EFR3A: variants seen among roughly 807,000 people sequenced by gnomAD.
EFR3A encodes protein EFR3 homolog A.
EFR3A carries 76 observed loss-of-function variants against 104.4 expected under a neutral mutation model. The ratio of observed to expected loss-of-function variants is 0.73; its 90% confidence interval spans 0.60 to 0.88. The LOEUF is 0.88. Among genes scored for constraint, EFR3A ranks in the 40% least tolerant of loss-of-function variants. The probability of loss-of-function intolerance (pLI) is 0.00; values close to 1 mark genes in which losing one functional copy is unlikely to be tolerated. For synonymous variants in EFR3A, 330 were observed against 330.0 expected (o/e 1.00, Z 0.00); for missense variants, 985 against 1,012.5 (o/e 0.97, Z 0.37).
chr8:131,963,509 A>G (rs1333139302), intron 8 of EFR3A, among the ~76,000 whole-genome samples: 4 of 152,208 alleles, frequency 2.6e-5, no homozygotes, highest in African/African-American at 9.7e-5. Context: ...CACCCTCACA[A>G]GACTAAACCA....
In EFR3A at chr8:131,933,168, A is replaced by G. The variant is rs79515016; in HGVS notation, c.11-7331A>G. Among the ~76,000 whole-genome samples, 138 of 152,272 alleles carry G rather than the reference A, an allele frequency of 9.1e-4. 1 individual carries two copies. The East Asian group carries it at 0.02, about 22-fold the overall frequency. ...TTTATATATTAAAAAAGGGAATCAC[A>G]TACTGTTTCAGTTTTTATTTTTGCA... On this transcript the variant is annotated intron_variant, in intron 1 of 22. Transcript: ENST00000254624.
chr8:131,993,898 A>G (rs1320290861), intron 18 of EFR3A, among the ~76,000 whole-genome samples: 1 of 152,110 alleles, frequency 6.6e-6, no homozygotes, highest in Non-Finnish European at 1.5e-5. Context: ...ACACAGACAC[A>G]TAGAGGGGAA....
intron 22 of EFR3A, among the ~76,000 whole-genome samples, chr8:132,008,068 A>G (rs1219760900): frequency 6.6e-6 from 1 of 152,056 alleles, no homozygotes; most frequent in African/African-American, 2.4e-5. Flanking sequence ...CACACAAAGT[A>G]CTAAACAAAA....
At chr8:131,981,525 A>G (rs1820611611) in intron 14 of EFR3A, among the ~76,000 whole-genome samples, 1 of 151,546 alleles carries the variant, frequency 6.6e-6, no homozygotes, top group Admixed American at 6.6e-5. Context: ...ACCATTTTTC[A>G]TTTACCTTCC....
In EFR3A at chr8:131,984,963, T is replaced by C; in HGVS notation, c.1772T>C (p.Met591Thr). ...ATTATCAATGAGGATAATTTGCCAA[T>C]GTTCCATCGTTGTGGAATCATGGCA... ...SAIINEDNLP[M>T]FHRCGIMALV... The change falls in exon 16 of 23, where the codon ATG (methionine) becomes ACG (threonine). Residue 591 changes from methionine to threonine, a missense_variant. Transcript: ENST00000254624. 6.2e-7 allele frequency: 1 copy of C among 1,613,568 alleles called. No homozygotes were observed. The highest frequency in any genetic ancestry group is 2.2e-5 in the East Asian group (1 of 44,864).
chr8:131,962,647 C>A (rs375187803), intron 8 of EFR3A, among the ~76,000 whole-genome samples: 1 of 152,074 alleles, frequency 6.6e-6, no homozygotes, highest in Non-Finnish European at 1.5e-5. Context: ...TTAGACAGAT[C>A]AATGAGACAG....
chr8:131,940,256 A>G, intron 1 of EFR3A: 1 of 463,292 alleles, frequency 2.2e-6, no homozygotes, highest in Non-Finnish European at 3.9e-6. Context: ...ACTTTGTCAG[A>G]TGAATTTGGC....
chr8:131,920,463 T>C (rs1816951505), intron 1 of EFR3A, among the ~76,000 whole-genome samples: 1 of 152,174 alleles, frequency 6.6e-6, no homozygotes, highest in Admixed American at 6.5e-5. Flanking sequence ...TTAGGGACAT[T>C]TTTTAGCTCA....
intron 3 of EFR3A, among the ~76,000 whole-genome samples, chr8:131,945,735 A>G (rs1818405075): frequency 6.6e-6 from 1 of 152,078 alleles, no homozygotes; most frequent in Admixed American, 6.6e-5. Flanking sequence ...AAGTCAGGGT[A>G]TCTGGGCTAT....
At chr8:131,904,447 G>T in intron 1 of EFR3A, 125 bp downstream of exon 1, 1 of 959,966 alleles carries the variant, frequency 1.0e-6, no homozygotes, top group South Asian at 5.2e-5. Flanking sequence ...GGAAGTGTCT[G>T]CGAGCGGCGG....
intron 1 of EFR3A, among the ~76,000 whole-genome samples, chr8:131,928,928 A>C (rs1453567744): frequency 6.6e-6 from 1 of 151,994 alleles, no homozygotes; most frequent in Non-Finnish European, 1.5e-5. Context: ...CTGTTTATTC[A>C]GAGGTCTTCT....
At chr8:131,944,976 ATATAGAGG>A in intron 3 of EFR3A, 104 bp downstream of exon 3, 1 of 1,230,264 alleles carries the variant, frequency 8.1e-7, no homozygotes, top group South Asian at 1.4e-5. Context: ...CAAAGATAAT[ATATAGAGG>A]ATAAAACATT....
At chr8:131,998,168 A>G (rs1821591063) in intron 19 of EFR3A, among the ~76,000 whole-genome samples, 2 of 152,058 alleles carry the variant, frequency 1.3e-5, no homozygotes, top group Non-Finnish European at 2.9e-5. Flanking sequence ...TTGTTCAAAT[A>G]CCAGAAGACA....
intron 1 of EFR3A, among the ~76,000 whole-genome samples, chr8:131,922,420 A>G (rs570980635): frequency 1.3e-5 from 2 of 152,136 alleles, no homozygotes; most frequent in Non-Finnish European, 2.9e-5. Context: ...AGATTTTTTT[A>G]TTAGGGATAC....
intron 1 of EFR3A, among the ~76,000 whole-genome samples, chr8:131,928,873 A>G (rs73708065): frequency 8.5e-5 from 13 of 152,088 alleles, no homozygotes; most frequent in African/African-American, 3.1e-4. Context: ...TATTTGAAAA[A>G]TTATTCTTTG....
At chr8:131,928,242 T>C (rs1413484918) in intron 1 of EFR3A, among the ~76,000 whole-genome samples, 1 of 151,590 alleles carries the variant, frequency 6.6e-6, no homozygotes, top group Non-Finnish European at 1.5e-5. Context: ...GTGTGTATTA[T>C]AAGAATAAGA....
At chr8:132,000,640 GT>G (rs1157871129) in intron 19 of EFR3A, 2 of 152,156 alleles carry the variant, frequency 1.3e-5, no homozygotes, top group African/African-American at 4.8e-5. Flanking sequence ...TGTCTCAAAA[GT>G]CAGAAGCTCC....
At chr8:131,919,319 C>T (rs755501987) in intron 1 of EFR3A, among the ~76,000 whole-genome samples, 5 of 151,996 alleles carry the variant, frequency 3.3e-5, no homozygotes, top group Non-Finnish European at 5.9e-5. Context: ...CTGTTTTGGC[C>T]GGGTGCAGTG....
chr8:131,916,858 T>A (rs938026348), intron 1 of EFR3A, among the ~76,000 whole-genome samples: 1 of 152,228 alleles, frequency 6.6e-6, no homozygotes, highest in African/African-American at 2.4e-5. Flanking sequence ...GAAACAATTT[T>A]TTTTAAGCTT....
Sources: gnomAD v4.1 joint callset for allele counts (sites outside exome capture counted in the v4.1 genomes callset) on GRCh38, gnomAD v4.1.1 for gene constraint, MANE v1.5 for transcripts, NCBI Gene and HGNC (gene_info 2026-07-23, HGNC 2026-07-21) for gene names.